Variants in SSBP2 observed in about 807,000 individuals in gnomAD.
The protein encoded by SSBP2 is single-stranded DNA-binding protein 2.
SSBP2 carries 17 observed loss-of-function variants against 61.8 expected under a neutral mutation model. The observed-to-expected ratio is 0.28, with a 90% CI of 0.19 to 0.41. The LOEUF is 0.41. Ranked by LOEUF, SSBP2 falls within the 10% of genes least tolerant of loss-of-function variation. The pLI is 1.00. For missense variants in SSBP2, 310 were observed against 458.7 expected (o/e 0.68, Z 2.96); for synonymous variants, 139 against 141.3 (o/e 0.98, Z 0.12).
rs11957295 is a variant in SSBP2 at position 81,536,557 on chromosome 5, T to C, written c.283-22840A>G. Among the ~76,000 whole-genome samples the C allele has an allele frequency of 5.0e-3, 768 of 152,302 alleles. 9 individuals carry two copies. Among genetic ancestry groups the C allele is most frequent in the African/African-American group, 0.016 (655 of 41,556 alleles). On this transcript the variant is annotated intron_variant, in intron 4 of 16. Transcript: ENST00000320672. ...AAGATTCAGCAGTTGCTCTTCTTGG[T>C]ATTTAGCCAAAGGAGTTGAAAACCA...
intron 1 of SSBP2, among the ~76,000 whole-genome samples, chr5:81,739,361 C>T (rs1306719395): frequency 6.6e-6 from 1 of 152,098 alleles, no homozygotes; most frequent in Non-Finnish European, 1.5e-5. Flanking sequence ...CTAAAATACT[C>T]TTTACTTGCC....
In SSBP2 at chr5:81,437,422, G is replaced by A. The variant is rs778867066; in HGVS notation, c.957+8C>T. The A allele has an allele frequency of 7.5e-6, 12 of 1,605,454 alleles. No homozygotes were observed. The highest frequency in any genetic ancestry group is 1.0e-5 in the Non-Finnish European group (12 of 1,177,230). On this transcript the variant is annotated splice_region_variant and intron_variant, in intron 15 of 16. Coordinates refer to ENST00000320672, the MANE Select transcript of SSBP2 (RefSeq NM_012446.5). ...GATTAAAAACAACACAGAATACACA[G>A]CACTCACCTTGGAAATACTGTCCAT...
At chr5:81,453,059 C>G (rs1182277682) in intron 10 of SSBP2, among the ~76,000 whole-genome samples, 1 of 151,842 alleles carries the variant, frequency 6.6e-6, no homozygotes, top group Admixed American at 6.6e-5. Context: ...CTTTGGGAGG[C>G]TGAGGTGGGA....
At chr5:81,722,318 A>G (rs913627949) in intron 1 of SSBP2, among the ~76,000 whole-genome samples, 11 of 151,968 alleles carry the variant, frequency 7.2e-5, no homozygotes, top group Admixed American at 1.3e-4. Context: ...AAAGTGAAAT[A>G]TAACTATACA....
chr5:81,527,019 C>T lies in SSBP2; in HGVS notation c.283-13302G>A, dbSNP rs1405781675. Among the ~76,000 whole-genome samples, 4 of 151,638 alleles carry T rather than the reference C, an allele frequency of 2.6e-5. No individual in the cohort carries two copies. The East Asian group carries it at 5.8e-4, about 22-fold the overall frequency. On this transcript the variant is annotated intron_variant, in intron 4 of 16. Coordinates refer to ENST00000320672, the MANE Select transcript of SSBP2 (RefSeq NM_012446.5). ...TAACGCAACAGAATTAAAAGTATTACAAATTAAAAGAATTAAAAAGTAAAG... is the reference window on the plus strand; with the variant it reads ...TAACGCAACAGAATTAAAAGTATTATAAATTAAAAGAATTAAAAAGTAAAG...
chr5:81,517,370 G>GTTT (rs199949045), intron 4 of SSBP2, among the ~76,000 whole-genome samples: 2 of 122,084 alleles, frequency 1.6e-5, no homozygotes, highest in Admixed American at 8.1e-5. Flanking sequence ...TAAATTTCAA[G>GTTT]TTTTTTTTTT....
chr5:81,578,512 A>G (rs994993269), intron 4 of SSBP2, among the ~76,000 whole-genome samples: 1 of 152,004 alleles, frequency 6.6e-6, no homozygotes, highest in African/African-American at 2.4e-5. Flanking sequence ...AGAACAGGGA[A>G]AAGGGCCAAA....
At chr5:81,468,982 T>C (rs1439742895) in intron 8 of SSBP2, among the ~76,000 whole-genome samples, 2 of 151,992 alleles carry the variant, frequency 1.3e-5, no homozygotes, top group African/African-American at 4.8e-5. Context: ...AAAATCTGAA[T>C]GGTAAAATAT....
chr5:81,463,960 G>A (rs574624787), intron 9 of SSBP2, among the ~76,000 whole-genome samples: 1 of 151,586 alleles, frequency 6.6e-6, no homozygotes, highest in East Asian at 1.9e-4. Context: ...GTTTAGATGG[G>A]GTCTCCCTAT....
intron 1 of SSBP2, among the ~76,000 whole-genome samples, chr5:81,731,549 G>C (rs1756267111): frequency 6.6e-6 from 1 of 152,048 alleles, no homozygotes; most frequent in Admixed American, 6.5e-5. Context: ...TTCAGTAAAG[G>C]ACCCTAAACA....
At chr5:81,627,627 G>A (rs2153647524) in intron 3 of SSBP2, among the ~76,000 whole-genome samples, 1 of 152,252 alleles carries the variant, frequency 6.6e-6, no homozygotes, top group African/African-American at 2.4e-5. Flanking sequence ...CCACCACCAG[G>A]TGAAAGAAAC....
intron 1 of SSBP2, among the ~76,000 whole-genome samples, chr5:81,743,501 T>C (rs1381073020): frequency 6.6e-6 from 1 of 152,212 alleles, no homozygotes; most frequent in Non-Finnish European, 1.5e-5. Flanking sequence ...TATTATTATA[T>C]ATTTCTCCTT....
chr5:81,449,849 A>G (rs1763653262), intron 10 of SSBP2, among the ~76,000 whole-genome samples: 1 of 152,208 alleles, frequency 6.6e-6, no homozygotes, highest in Non-Finnish European at 1.5e-5. Flanking sequence ...TCTGCCTATG[A>G]GTAATTCAGC....
intron 4 of SSBP2, among the ~76,000 whole-genome samples, chr5:81,612,925 T>C (rs951622525): frequency 2.6e-5 from 4 of 152,086 alleles, no homozygotes; most frequent in Admixed American, 2.6e-4. Context: ...CAAACTATTA[T>C]ATTTACATGT....
intron 5 of SSBP2, among the ~76,000 whole-genome samples, chr5:81,490,310 C>T (rs1034746595): frequency 6.6e-6 from 1 of 151,820 alleles, no homozygotes; most frequent in African/African-American, 2.4e-5. Context: ...ACTTAGGCAC[C>T]AAAATTTTAT....
At chr5:81,502,901 T>C (rs1767903356) in intron 5 of SSBP2, among the ~76,000 whole-genome samples, 1 of 152,128 alleles carries the variant, frequency 6.6e-6, no homozygotes, top group African/African-American at 2.4e-5. Flanking sequence ...GGAGAAAATA[T>C]TTGCAAACTA....
chr5:81,571,428 A>G (rs1054743277), intron 4 of SSBP2, among the ~76,000 whole-genome samples: 2 of 152,176 alleles, frequency 1.3e-5, no homozygotes, highest in African/African-American at 4.8e-5. Context: ...GTAATGTTCA[A>G]GAGGAAATCA....
chr5:81,743,838 T>C (rs1003201031), intron 1 of SSBP2, among the ~76,000 whole-genome samples: 1 of 152,194 alleles, frequency 6.6e-6, no homozygotes, highest in Admixed American at 6.5e-5. Context: ...GAGGCAGCCA[T>C]GCTACATTCA....
intron 4 of SSBP2, among the ~76,000 whole-genome samples, chr5:81,552,410 G>T (rs185391755): frequency 6.6e-6 from 1 of 152,108 alleles, no homozygotes; most frequent in East Asian, 1.9e-4. Flanking sequence ...AGGCCCAGGT[G>T]GGTGGATCAC....
Sources: gnomAD v4.1 joint callset for allele counts (sites outside exome capture counted in the v4.1 genomes callset) on GRCh38, gnomAD v4.1.1 for gene constraint, MANE v1.5 for transcripts, NCBI Gene and HGNC (gene_info 2026-07-23, HGNC 2026-07-21) for gene names.